The following TMEM135 variants were observed in gnomAD, a reference collection of about 807,000 sequenced individuals.
The protein encoded by TMEM135 is peroxisomal membrane protein 52.
In TMEM135, 30 loss-of-function variants were observed where a neutral mutation model predicts 60.3. That is an observed-to-expected ratio of 0.50 (90% CI 0.37 to 0.68). The LOEUF is 0.68. TMEM135 is among the 30% of genes least tolerant of loss of function. TMEM135 has a pLI of 0.00. For missense variants in TMEM135, 468 were observed against 548.8 expected, an observed-to-expected ratio of 0.85 and a Z score of 1.47; for synonymous variants, 190 against 186.7, an observed-to-expected ratio of 1.02 and a Z score of -0.14.
At chr11:87,070,498 G>A (rs1237028298) in intron 2 of TMEM135, among the ~76,000 whole-genome samples, 3 of 152,178 alleles carry the variant, frequency 2.0e-5, no homozygotes, top group Admixed American at 6.5e-5. Context: ...GCCGGGCGTG[G>A]TGGCAAGCGC....
rs567784312 is a variant in TMEM135, at chr11:87,186,717, A to G, written c.462+29311A>G. On this transcript the variant is annotated intron_variant, in intron 5 of 14. Transcript: ENST00000305494. Reference sequence around the variant, plus strand: ...TTTATTAAAATTATCTCCACTTAATAGTAGGAAAATATAAAGATTTATAAA... The same window carrying G: ...TTTATTAAAATTATCTCCACTTAATGGTAGGAAAATATAAAGATTTATAAA... Among the ~76,000 whole-genome samples, 8 of 152,320 alleles carry G rather than the reference A, an allele frequency of 5.3e-5. No homozygotes were observed. In the East Asian group the frequency reaches 1.3e-3, roughly 26 times the overall value.
intron 5 of TMEM135, among the ~76,000 whole-genome samples, chr11:87,171,417 C>G (rs1348144942): frequency 6.6e-6 from 1 of 151,554 alleles, no homozygotes; most frequent in Admixed American, 6.6e-5. Context: ...GTGGTAGAAT[C>G]AAGAATTAGT....
chr11:87,122,433 TTTTATA>T (rs1937617104), intron 4 of TMEM135, among the ~76,000 whole-genome samples: 1 of 141,420 alleles, frequency 7.1e-6, no homozygotes, highest in Admixed American at 7.0e-5. Context: ...ATCATTTAGT[TTTTATA>T]TTTATTTATT....
chr11:87,287,636 C>G (rs1942191007), intron 6 of TMEM135, among the ~76,000 whole-genome samples: 1 of 152,182 alleles, frequency 6.6e-6, no homozygotes, highest in African/African-American at 2.4e-5. Context: ...GAGATCACAC[C>G]ACTGCACTCC....
chr11:87,218,185 C>G (rs1260749767), intron 5 of TMEM135, among the ~76,000 whole-genome samples: 1 of 152,090 alleles, frequency 6.6e-6, no homozygotes, highest in Admixed American at 6.5e-5. Context: ...CCATGAGCCC[C>G]ACCCAGACAA....
intron 6 of TMEM135, among the ~76,000 whole-genome samples, chr11:87,274,786 C>CTGTGTGTGTGTGTGTGTGTG (rs10655114): frequency 2.8e-4 from 36 of 129,284 alleles, no homozygotes; most frequent in Admixed American, 5.7e-4. Flanking sequence ...CATAGCAAGA[C>CTGTGTGTGTGTGTGTGTGTG]TGTGTGTGTG....
At chr11:87,093,917 C>T (rs565349035) in intron 4 of TMEM135, among the ~76,000 whole-genome samples, 3 of 152,060 alleles carry the variant, frequency 2.0e-5, no homozygotes, top group Non-Finnish European at 4.4e-5. Context: ...TGATAAACAC[C>T]AGACTTAACA....
chr11:87,292,492 C>A (rs112968882), intron 6 of TMEM135, among the ~76,000 whole-genome samples: 50 of 152,162 alleles, frequency 3.3e-4, no homozygotes, highest in African/African-American at 1.0e-3. Context: ...ATAATCAAAT[C>A]CATAGAATAA....
At chr11:87,156,752 G>A (rs1025734043) in intron 4 of TMEM135, among the ~76,000 whole-genome samples, 4 of 152,092 alleles carry the variant, frequency 2.6e-5, no homozygotes, top group African/African-American at 9.7e-5. Flanking sequence ...ATTAGTAGCA[G>A]ATAAGTGATT....
chr11:87,222,927 A>G (rs1003188313), intron 5 of TMEM135, among the ~76,000 whole-genome samples: 1 of 152,196 alleles, frequency 6.6e-6, no homozygotes, highest in South Asian at 2.1e-4. Flanking sequence ...ACATCGTTAC[A>G]TCTTGTAGTG....
At chr11:87,313,757 A>T (rs889730622) in intron 11 of TMEM135, among the ~76,000 whole-genome samples, 4 of 151,804 alleles carry the variant, frequency 2.6e-5, no homozygotes, top group African/African-American at 9.7e-5. Context: ...AAAAGAATAT[A>T]AAAAGCCTTA....
chr11:87,176,412 A>C lies in TMEM135; in HGVS notation c.462+19006A>C, dbSNP rs910407870. 3.9e-5 allele frequency among the ~76,000 whole-genome samples: 6 copies of C among 152,152 alleles called. 1 individual carries two copies. Among genetic ancestry groups the C allele is most frequent in the Admixed American group, 3.9e-4 (6 of 15,262 alleles). Reference sequence around the variant, plus strand: ...TACAGGCTGCAGAACCATGAGCCAAATGAATCCCTTTTTAAAAAAATAAAT... The same window carrying C: ...TACAGGCTGCAGAACCATGAGCCAACTGAATCCCTTTTTAAAAAAATAAAT... On this transcript the variant is annotated intron_variant, in intron 5 of 14. Transcript: ENST00000305494.
chr11:87,172,028 C>T (rs990914480), intron 5 of TMEM135, among the ~76,000 whole-genome samples: 11 of 152,110 alleles, frequency 7.2e-5, no homozygotes, highest in African/African-American at 2.7e-4. Context: ...ACCTGTACAT[C>T]TCCCAGGGGT....
At chr11:87,214,088 T>C (rs564384) in intron 5 of TMEM135, among the ~76,000 whole-genome samples, 19,495 of 152,204 alleles carry the variant, frequency 0.13, 1,302 homozygotes, top group Non-Finnish European at 0.15. Context: ...TATGGTGGTG[T>C]GGTAGTAGTA....
At chr11:87,285,586 A>G (rs1021524604) in intron 6 of TMEM135, among the ~76,000 whole-genome samples, 2 of 152,098 alleles carry the variant, frequency 1.3e-5, no homozygotes, top group Admixed American at 6.5e-5. Flanking sequence ...TGTTGGGTTC[A>G]TGGTCTCGCT....
At chr11:87,076,928 G>A (rs1207918968) in intron 3 of TMEM135, among the ~76,000 whole-genome samples, 1 of 152,134 alleles carries the variant, frequency 6.6e-6, no homozygotes, top group Admixed American at 6.5e-5. Flanking sequence ...TTTAACTGTA[G>A]TATAATATAA....
chr11:87,263,822 A>C (rs908066320), intron 6 of TMEM135, among the ~76,000 whole-genome samples: 1 of 152,086 alleles, frequency 6.6e-6, no homozygotes, highest in East Asian at 1.9e-4. Context: ...GAATTTTTGC[A>C]TAATTTACTT....
rs186959071 is a variant in TMEM135 at position 87,107,119 on chromosome 11, A to G, written c.396+15724A>G. 3.6e-3 allele frequency among the ~76,000 whole-genome samples: 553 copies of G among 152,306 alleles called. 5 individuals carry two copies. The highest frequency in any genetic ancestry group is 0.012 in the African/African-American group (489 of 41,572). Reference sequence around the variant, plus strand: ...ATTGAGGATTGCAATTCAACATGACATTTCATTGGGGACAAATATACAGAC... The same window carrying G: ...ATTGAGGATTGCAATTCAACATGACGTTTCATTGGGGACAAATATACAGAC... On this transcript the variant is annotated intron_variant, in intron 4 of 14. Coordinates refer to ENST00000305494, the MANE Select transcript of TMEM135 (RefSeq NM_022918.4).
chr11:87,155,253 C>T (rs1938662355), intron 4 of TMEM135, among the ~76,000 whole-genome samples: 1 of 152,210 alleles, frequency 6.6e-6, no homozygotes, highest in South Asian at 2.1e-4. Flanking sequence ...CCCGCCTCGG[C>T]CTCTCAAACT....
Sources: gnomAD v4.1 joint callset for allele counts (sites outside exome capture counted in the v4.1 genomes callset) on GRCh38, gnomAD v4.1.1 for gene constraint, MANE v1.5 for transcripts, NCBI Gene and HGNC (gene_info 2026-07-23, HGNC 2026-07-21) for gene names.